Variants in AQP11 observed in about 807,000 individuals in gnomAD.
AQP11 encodes the protein aquaporin 11.
In AQP11, 20 loss-of-function variants were observed where a neutral mutation model predicts 21.1. The ratio of observed to expected loss-of-function variants is 0.95; its 90% CI spans 0.67 to 1.38. The LOEUF is 1.38. AQP11 is among the 40% of genes most tolerant of loss of function. The pLI, the probability that AQP11 is intolerant of heterozygous loss-of-function variation, is 0.00. For synonymous variants in AQP11, 167 were observed against 150.1 expected (o/e 1.11, Z -0.82); for missense variants, 339 against 340.4 (o/e 1.00, Z 0.03).
At chr11:77,592,711 G>T (rs1958756040) in intron 1 of AQP11, among the ~76,000 whole-genome samples, 1 of 152,202 alleles carries the variant, frequency 6.6e-6, no homozygotes, top group African/African-American at 2.4e-5. Flanking sequence ...TAGATATAAG[G>T]AAAGTTATTA....
intron 1 of AQP11, among the ~76,000 whole-genome samples, chr11:77,594,908 G>A (rs1185431899): frequency 1.3e-5 from 2 of 151,710 alleles, no homozygotes; most frequent in Non-Finnish European, 2.9e-5. Context: ...AAAAAGCTGT[G>A]CGATTTATTA....
chr11:77,591,333 G>C (rs10899392), intron 1 of AQP11: 69,304 of 982,912 alleles, frequency 0.071, 2,707 homozygotes, highest in Non-Finnish European at 0.076. Flanking sequence ...GGGCAATCTA[G>C]TCCTAAGTGG....
rs1958738420 is a variant in AQP11 at position 77,590,284 on chromosome 11, A to G, written c.292A>G (p.Ser98Gly). ...VHGLTLVGTS[S>G]NPCGVMMQMM... ...TGGCCTGACTCTGGTGGGCACGTCC[A>G]GCAACCCGTGCGGCGTGATGATGCA... Residue 98 changes from serine (S) to glycine (G), a missense_variant, in exon 1 of 3, where the codon AGC becomes GGC. Physicochemically the swap from Ser to Gly is moderately conservative, Grantham distance 56. Coordinates refer to ENST00000313578, the MANE Select transcript of AQP11 (RefSeq NM_173039.3). 1 of 1,604,550 alleles carries G rather than the reference A, an allele frequency of 6.2e-7. No homozygotes were observed. Among genetic ancestry groups the G allele is most frequent in the Non-Finnish European group, 8.5e-7 (1 of 1,174,072 alleles).
chr11:77,602,501 G>A (rs1958820990), intron 1 of AQP11, among the ~76,000 whole-genome samples: 1 of 152,122 alleles, frequency 6.6e-6, no homozygotes, highest in African/African-American at 2.4e-5. Flanking sequence ...TGATTCCAAA[G>A]GTCTATGATA....
At chr11:77,601,865 A>G (rs1013826609) in intron 1 of AQP11, among the ~76,000 whole-genome samples, 32 of 152,120 alleles carry the variant, frequency 2.1e-4, no homozygotes, top group Non-Finnish European at 8.8e-5. Flanking sequence ...AGACCAGCAA[A>G]CTTACATGGT....
chr11:77,608,106 T>G (rs1958857105), intron 2 of AQP11, among the ~76,000 whole-genome samples: 1 of 152,250 alleles, frequency 6.6e-6, no homozygotes, highest in Non-Finnish European at 1.5e-5. Flanking sequence ...GTGACAAAAC[T>G]TGTTTTCAAT....
At chr11:77,597,857 G>A (rs531117225) in intron 1 of AQP11, among the ~76,000 whole-genome samples, 2 of 151,918 alleles carry the variant, frequency 1.3e-5, no homozygotes, top group African/African-American at 2.4e-5. Flanking sequence ...AGGTTCAAGC[G>A]ATTCTCCTGC....
chr11:77,609,496 G>A lies in AQP11; in HGVS notation c.*119G>A. On this transcript the variant is annotated 3_prime_UTR_variant, in exon 3 of 3. Transcript: ENST00000313578. ...TTCATCAGTGTTAACTTCCTTTGAGGAAGCTGCCTTATAGTTTTCATCACT... is the reference window on the plus strand; with the variant it reads ...TTCATCAGTGTTAACTTCCTTTGAGAAAGCTGCCTTATAGTTTTCATCACT... The A allele has an allele frequency of 4.1e-6, 3 of 728,874 alleles. No homozygotes were observed. Among genetic ancestry groups the A allele is most frequent in the Non-Finnish European group, 6.4e-6 (3 of 469,838 alleles). The allele number at this position is 728,874 out of a possible 1,614,324, so 45.2% of individuals were successfully genotyped here.
At chr11:77,599,631 G>A (rs1330894592) in intron 1 of AQP11, among the ~76,000 whole-genome samples, 2 of 151,652 alleles carry the variant, frequency 1.3e-5, no homozygotes, top group East Asian at 1.9e-4. Context: ...GCTTCACTCT[G>A]TCACCCAGGC....
intron 1 of AQP11, chr11:77,591,371 TA>T: frequency 1.1e-6 from 1 of 928,728 alleles, no homozygotes; most frequent in Non-Finnish European, 1.3e-6. Flanking sequence ...CACAAGTATT[TA>T]ATGATGAAAT....
At chr11:77,591,256 TA>T in intron 1 of AQP11, 2 of 974,108 alleles carry the variant, frequency 2.1e-6, no homozygotes, top group Non-Finnish European at 2.4e-6. Context: ...TTTTAAAATA[TA>T]ACTCTTGAGA....
At chr11:77,609,215 T>C in intron 2 of AQP11, 83 bp from the exon 3 acceptor site, 1 of 989,742 alleles carries the variant, frequency 1.0e-6, no homozygotes, top group Non-Finnish European at 1.5e-6. Context: ...AGGTATATAA[T>C]TGTAATTTTA....
chr11:77,590,246 T>A lies in AQP11; in HGVS notation c.254T>A (p.Phe85Tyr). Residue 85 changes from phenylalanine to tyrosine, a missense_variant, in exon 1 of 3, where the codon TTC becomes TAC. By Grantham distance (22) the Phe-to-Tyr change is conservative. Coordinates refer to ENST00000313578, the MANE Select transcript of AQP11 (RefSeq NM_173039.3). ...PTWTLTLVYF[F>Y]SLVHGLTLVG... ...TGGACGCTGACGCTCGTCTACTTCT[T>A]CTCGCTTGTGCATGGCCTGACTCTG... 6.3e-7 allele frequency: 1 copy of A among 1,598,768 alleles called. No individual in the cohort carries two copies. The highest frequency in any genetic ancestry group is 1.1e-5 in the South Asian group (1 of 88,770).
rs913052685 is a variant in AQP11, at chr11:77,607,498, C to T, written c.737-1800C>T. On this transcript the variant is annotated intron_variant, in intron 2 of 2. Coordinates refer to ENST00000313578, the MANE Select transcript of AQP11 (RefSeq NM_173039.3). ...CAGGAAGCAAACTATTCTTTGGAGTCATAGTCCATATTCTTTCTTGTTTCT... is the reference window on the plus strand; with the variant it reads ...CAGGAAGCAAACTATTCTTTGGAGTTATAGTCCATATTCTTTCTTGTTTCT... Among the ~76,000 whole-genome samples the T allele has an allele frequency of 4.6e-5, 7 of 152,252 alleles. No homozygotes were observed. In the South Asian group the frequency reaches 1.4e-3, roughly 32 times the overall value.
At chr11:77,597,364 G>T (rs1397573829) in intron 1 of AQP11, among the ~76,000 whole-genome samples, 1 of 152,192 alleles carries the variant, frequency 6.6e-6, no homozygotes, top group Non-Finnish European at 1.5e-5. Flanking sequence ...TTGAGGCCAG[G>T]AGTTCGAGAC....
Position 77,590,091 on chromosome 11 carries a change from A to G in AQP11, c.99A>G (p.Val33=). The change falls in exon 1 of 3, where the codon GTA becomes GTG. Residue 33 remains valine, a synonymous_variant. Coordinates refer to ENST00000313578, the MANE Select transcript of AQP11 (RefSeq NM_173039.3). ...TGCTGCTCATGGGGCTGGCCCGCGT[A>G]GTCGCCCGGCAGCAGCTGCACAGGC... is the stretch of plus-strand genomic sequence containing the variant. ...SVVLLMGLAR[V]VARQQLHRPV... 6.2e-7 allele frequency: 1 copy of G among 1,607,446 alleles called. No individual in the cohort carries two copies. Among genetic ancestry groups the G allele is most frequent in the Non-Finnish European group, 8.5e-7 (1 of 1,179,492 alleles).
At chr11:77,607,277 A>G (rs972611964) in intron 2 of AQP11, among the ~76,000 whole-genome samples, 9 of 152,220 alleles carry the variant, frequency 5.9e-5, no homozygotes, top group Admixed American at 1.3e-4. Flanking sequence ...ATGGGAAAAA[A>G]TAAATTATAA....
chr11:77,605,037 C>CA (rs1440115998), intron 2 of AQP11, among the ~76,000 whole-genome samples: 1 of 151,976 alleles, frequency 6.6e-6, no homozygotes. Flanking sequence ...ACTAAAAATA[C>CA]AAAAAATTAG....
intron 1 of AQP11, 174 bp downstream of exon 1, chr11:77,590,785 A>T (rs750659093): frequency 2.3e-5 from 23 of 985,292 alleles, no homozygotes; most frequent in Non-Finnish European, 2.8e-5. Flanking sequence ...CGACACGTAG[A>T]GCCTTCATGC....
Sources: allele counts gnomAD v4.1 joint callset (sites outside exome capture counted in the v4.1 genomes callset), GRCh38; gene constraint gnomAD v4.1.1; transcripts MANE v1.5; gene names NCBI Gene and HGNC (gene_info 2026-07-23, HGNC 2026-07-21).